The following PTPN22 variants were observed in gnomAD, a reference collection of about 807,000 sequenced individuals.
PTPN22 encodes tyrosine-protein phosphatase non-receptor type 22.
A neutral mutation model predicts 103.3 loss-of-function variants in PTPN22; 85 were observed. The ratio of observed to expected loss-of-function variants is 0.82; its 90% CI spans 0.69 to 0.99. PTPN22 has a LOEUF of 0.99. PTPN22 is among the 50% of genes least tolerant of loss of function. The probability of loss-of-function intolerance (pLI) is 0.00; values close to 1 mark genes in which losing one functional copy is unlikely to be tolerated. For synonymous variants in PTPN22, 323 were observed against 310.2 expected (o/e 1.04, Z -0.43); for missense variants, 865 against 936.9 (o/e 0.92, Z 1.00).
chr1:113,858,945 C>A, intron 3 of PTPN22, 57 bp downstream of exon 3: 1 of 1,579,512 alleles, frequency 6.3e-7, no homozygotes, highest in South Asian at 1.1e-5. Flanking sequence ...AGCCAGCCCT[C>A]CCCTTTTTTT....
At chr1:113,837,511 G>A (rs931867295) in intron 13 of PTPN22, 79 bp downstream of exon 13, 1 of 974,460 alleles carries the variant, frequency 1.0e-6, no homozygotes, top group Non-Finnish European at 1.5e-6. Flanking sequence ...GGAGAAGAGG[G>A]AAGAGGAGAA....
intron 14 of PTPN22, 140 bp from the exon 15 acceptor site, chr1:113,834,579 G>T: frequency 1.0e-6 from 1 of 992,616 alleles, no homozygotes; most frequent in East Asian, 2.5e-5. Flanking sequence ...TATTTTTTGA[G>T]ACAGGGTCTT....
At position 113,819,591 on chromosome 1, in the gene PTPN22, G is replaced by A. The variant is rs781262623; in HGVS notation, c.2345C>T (p.Ser782Leu). ...AACACACATACCAAAATTCAGAAAT[G>A]AGCTGGAGTTATTTGACTGAACAGA... Residue 782 changes from serine to leucine, a missense_variant, in exon 20 of 21, where the codon TCA (serine) becomes TTA (leucine). Transcript: ENST00000359785. The A allele has an allele frequency of 2.5e-6, 4 of 1,606,136 alleles. No homozygotes were observed. In the African/African-American group the frequency reaches 5.4e-5, roughly 21 times the overall value.
chr1:113,854,855 G>T, intron 8 of PTPN22, 52 bp downstream of exon 8: 1 of 1,572,780 alleles, frequency 6.4e-7, no homozygotes, highest in South Asian at 1.1e-5. Flanking sequence ...GTCCTGGCCA[G>T]ACTCTGACAT....
chr1:113,852,960 C>T (rs369903333), intron 9 of PTPN22, among the ~76,000 whole-genome samples: 4 of 152,092 alleles, frequency 2.6e-5, no homozygotes, highest in East Asian at 3.8e-4. Flanking sequence ...GTTTTTGAAA[C>T]GGACTTTCAC....
rs780874343 is a variant in PTPN22 at position 113,834,893 on chromosome 1, TACTG to T, written c.1894+13_1894+16del. ...CCCATCCCACACTTTATTTTATACTTACTGAACTGTACTCACCAGCTTCCTCAAC... is the reference window on the plus strand; with the variant it reads ...CCCATCCCACACTTTATTTTATACTTAACTGTACTCACCAGCTTCCTCAAC... On this transcript the variant is annotated intron_variant, in intron 14 of 20. Coordinates refer to ENST00000359785, the Ensembl canonical transcript of PTPN22. The T allele has an allele frequency of 2.0e-5, 31 of 1,518,366 alleles. No homozygotes were observed. The highest frequency in any genetic ancestry group is 2.5e-5 in the Non-Finnish European group (28 of 1,116,504). The allele number at this position is 1,518,366 out of a possible 1,614,324, so 94.1% of individuals were successfully genotyped here.
intron 18 of PTPN22, among the ~76,000 whole-genome samples, chr1:113,826,965 G>T (rs1271779879): frequency 6.6e-6 from 1 of 152,136 alleles, no homozygotes. Flanking sequence ...CACCGCGCCC[G>T]GCCTGGAGTC....
intron 1 of PTPN22, among the ~76,000 whole-genome samples, chr1:113,860,669 C>A (rs1665496769): frequency 6.6e-6 from 1 of 152,140 alleles, no homozygotes; most frequent in Non-Finnish European, 1.5e-5. Context: ...TGAATTTCAG[C>A]TGAAGTTACA....
chr1:113,837,462 G>GA (rs576378907), intron 13 of PTPN22, 128 bp downstream of exon 13: 45 of 683,364 alleles, frequency 6.6e-5, no homozygotes, highest in South Asian at 2.4e-4. Context: ...AAAAAAAAAA[G>GA]AAAAAAAAGA....
intron 11 of PTPN22, among the ~76,000 whole-genome samples, chr1:113,841,378 G>A (rs1046723319): frequency 8.5e-5 from 13 of 152,220 alleles, no homozygotes; most frequent in Middle Eastern, 6.8e-3. Flanking sequence ...ATTTGGCAAC[G>A]ATTTCTTGGA....
At chr1:113,827,276 A>G (rs1278913794) in intron 18 of PTPN22, among the ~76,000 whole-genome samples, 1 of 152,204 alleles carries the variant, frequency 6.6e-6, no homozygotes, top group African/African-American at 2.4e-5. Context: ...TTTATTTACA[A>G]GTCAGGAAAT....
At chr1:113,847,865 G>C (rs1466961922) in intron 11 of PTPN22, among the ~76,000 whole-genome samples, 2 of 151,628 alleles carry the variant, frequency 1.3e-5, no homozygotes, top group Non-Finnish European at 1.5e-5. Flanking sequence ...GCCTCCCAAA[G>C]TGCTGGGATT....
At chr1:113,837,675 G>A (rs771524607) in exon 13 of PTPN22, 1 of 1,604,152 alleles carries the variant, frequency 6.2e-7, no homozygotes, top group Non-Finnish European at 8.5e-7. Flanking sequence ...TGTAATAAGA[G>A]AAGAGGGATG....
rs1662373070 is a variant in PTPN22, at chr1:113,829,586, C to T, written c.2250+6G>A. The T allele has an allele frequency of 6.5e-7, 1 of 1,535,638 alleles. No homozygotes were observed. On this transcript the variant is annotated splice_donor_region_variant and intron_variant, in intron 18 of 20. Coordinates refer to ENST00000359785, the Ensembl canonical transcript of PTPN22. The stretch of plus-strand genomic sequence containing the variant: ...GCATGTTTCCCAAAACTCTTATCTT[C>T]TTTACCTTACTCCTTGTGAAACTTT...
chr1:113,841,180 C>T (rs958050979), intron 11 of PTPN22, among the ~76,000 whole-genome samples: 11 of 151,656 alleles, frequency 7.3e-5, no homozygotes, highest in Non-Finnish European at 1.2e-4. Context: ...GCCAAGATCA[C>T]GCCATTGCAC....
intron 11 of PTPN22, 87 bp from the exon 12 acceptor site, chr1:113,838,707 T>A (rs992627858): frequency 6.0e-6 from 9 of 1,500,400 alleles, no homozygotes; most frequent in Non-Finnish European, 8.0e-6. Flanking sequence ...AAAGTAATTT[T>A]TCAGGAAATA....
intron 20 of PTPN22, among the ~76,000 whole-genome samples, chr1:113,817,967 T>A (rs1001505623): frequency 4.0e-5 from 6 of 151,292 alleles, no homozygotes; most frequent in Non-Finnish European, 8.8e-5. Context: ...TCCTTTTTTT[T>A]TTTTAAATGA....
chr1:113,865,072 T>G (rs1666008917), intron 1 of PTPN22, among the ~76,000 whole-genome samples: 1 of 152,216 alleles, frequency 6.6e-6, no homozygotes, highest in South Asian at 2.1e-4. Flanking sequence ...AGACACCATG[T>G]AGGACATTGA....
chr1:113,870,680 T>C (rs1163773962), intron 1 of PTPN22, among the ~76,000 whole-genome samples: 2 of 152,080 alleles, frequency 1.3e-5, no homozygotes, highest in Non-Finnish European at 2.9e-5. Context: ...GAAGCCCTGT[T>C]ATTGAAAAAA....
Sources: allele counts gnomAD v4.1 joint callset (sites outside exome capture counted in the v4.1 genomes callset), GRCh38; gene constraint gnomAD v4.1.1; transcripts MANE v1.5; gene names NCBI Gene and HGNC (gene_info 2026-07-23, HGNC 2026-07-21).